RAP1GAP: variants seen among roughly 807,000 people sequenced by gnomAD.
The protein encoded by RAP1GAP is RAP1 GTPase activating protein, also known as rap1 GTPase-activating protein 1.
A neutral mutation model predicts 87.2 loss-of-function variants in RAP1GAP; 35 were observed. The ratio of observed to expected loss-of-function variants is 0.40; its 90% CI spans 0.31 to 0.53. RAP1GAP has a LOEUF of 0.53. Ranked by LOEUF, RAP1GAP falls within the 20% of genes least tolerant of loss-of-function variation. The pLI, the probability that RAP1GAP is intolerant of heterozygous loss-of-function variation, is 0.48. For missense variants in RAP1GAP, 734 were observed against 898.9 expected (o/e 0.82, Z 2.35); for synonymous variants, 375 against 363.9 (o/e 1.03, Z -0.35).
intron 3 of RAP1GAP, among the ~76,000 whole-genome samples, chr1:21,620,845 C>T (rs1264747818): frequency 8.6e-6 from 1 of 116,582 alleles, no homozygotes; most frequent in Non-Finnish European, 2.0e-5. Context: ...CACCAGGAAG[C>T]ACGCACACTC....
chr1:21,599,727 GC>G, intron 20 of RAP1GAP, 110 bp from the exon 21 acceptor site: 1 of 1,442,534 alleles, frequency 6.9e-7, no homozygotes, highest in Non-Finnish European at 9.2e-7. Flanking sequence ...TAGCAGCCAA[GC>G]ACCTTTGAGG....
intron 7 of RAP1GAP, 61 bp downstream of exon 7, chr1:21,617,245 T>G: frequency 6.6e-7 from 1 of 1,524,514 alleles, no homozygotes; most frequent in South Asian, 1.2e-5. Context: ...CAGGCCCACC[T>G]CGAATGGGGC....
intron 21 of RAP1GAP, 99 bp downstream of exon 21, chr1:21,599,395 G>A: frequency 6.7e-7 from 1 of 1,495,436 alleles, no homozygotes; most frequent in South Asian, 1.3e-5. Context: ...TCACATCTCA[G>A]CCACGCCCAG....
chr1:21,623,295 C>T (rs895018775), intron 3 of RAP1GAP, among the ~76,000 whole-genome samples: 6 of 152,320 alleles, frequency 3.9e-5, no homozygotes, highest in African/African-American at 1.2e-4. Flanking sequence ...CTCTCTGGAC[C>T]TCAGTTTCCC....
chr1:21,644,286 G>T (rs1332213963), intron 2 of RAP1GAP, among the ~76,000 whole-genome samples: 1 of 152,134 alleles, frequency 6.6e-6, no homozygotes, highest in South Asian at 2.1e-4. Flanking sequence ...TTCAGGTTTT[G>T]GTTCAAACAC....
Position 21,609,656 on chromosome 1 carries a change from AG to A in RAP1GAP, c.1000-11del. The A allele has an allele frequency of 6.4e-7, 1 of 1,561,506 alleles. No homozygotes were observed. Among genetic ancestry groups the A allele is most frequent in the African/African-American group, 1.4e-5 (1 of 72,908 alleles). ...TTGCAGTGACAGAGACCTGGAAGGG[AG>A]GGCAGCTGTCTGTTCCTGTGGAGCC... On this transcript the variant is annotated splice_polypyrimidine_tract_variant and intron_variant, in intron 14 of 24. Transcript: ENST00000374765. This position sits in a 1 kb window ranked among gnomAD's most constrained non-coding sequence, Gnocchi z 4.4.
Position 21,600,259 on chromosome 1 carries a change from T to C in RAP1GAP, c.1653-642A>G, listed in dbSNP as rs542130585. 1.1e-4 allele frequency among the ~76,000 whole-genome samples: 16 copies of C among 151,882 alleles called. No individual in the cohort carries two copies. In the South Asian group the frequency reaches 3.3e-3, roughly 32 times the overall value. On this transcript the variant is annotated intron_variant, in intron 20 of 24. Coordinates refer to ENST00000374765, the MANE Select transcript of RAP1GAP (RefSeq NM_002885.4). ...CAGCCTAGGGCTCTCGCTCCAGGAG[T>C]CCTTCCCTGATTCCTCCTCCCAAGG... is the stretch of plus-strand genomic sequence containing the variant.
Position 21,613,816 on chromosome 1 carries a change from A to G in RAP1GAP, c.396-110T>C, listed in dbSNP as rs2080076056. The G allele has an allele frequency of 3.3e-6, 4 of 1,230,524 alleles. No individual in the cohort carries two copies. In the African/African-American group the frequency reaches 5.9e-5, roughly 18 times the overall value. 76.2% of individuals were successfully genotyped at this position (1,230,524 alleles called of 1,614,324 possible). ...GGGGGTGGACCACAGCGAGGACCAGAGGTGATGATGGGTGTCAGGCTGACT... is the reference window on the plus strand; with the variant it reads ...GGGGGTGGACCACAGCGAGGACCAGGGGTGATGATGGGTGTCAGGCTGACT... On this transcript the variant is annotated intron_variant, in intron 8 of 24. Coordinates refer to ENST00000374765, the MANE Select transcript of RAP1GAP (RefSeq NM_002885.4). The surrounding 1 kb of genome is among the most constrained non-coding windows in gnomAD (Gnocchi z 4.7).
At chr1:21,667,294 G>A (rs1251704596) in intron 1 of RAP1GAP, among the ~76,000 whole-genome samples, 1 of 152,212 alleles carries the variant, frequency 6.6e-6, no homozygotes, top group Non-Finnish European at 1.5e-5. Context: ...GGCCTAAGTG[G>A]CAGAGACCTC....
Position 21,596,480 on chromosome 1 carries a change from T to C in RAP1GAP, c.*819A>G, listed in dbSNP as rs1159809970. On this transcript the variant is annotated 3_prime_UTR_variant, in exon 25 of 25. Coordinates refer to ENST00000374765, the MANE Select transcript of RAP1GAP (RefSeq NM_002885.4). ...CAGCATGGGATGGCAGGGGTTAAGC[T>C]GGGTGCTGGCTGAGGAGCCAGGTAG... is the stretch of plus-strand genomic sequence containing the variant. The C allele has an allele frequency of 6.6e-6, 1 of 152,380 alleles. No individual in the cohort carries two copies. The highest frequency in any genetic ancestry group is 1.9e-4 in the East Asian group (1 of 5,184). The allele number at this position is 152,380 out of a possible 1,614,324, so 9.4% of individuals were successfully genotyped here.
rs545223554 is a variant in RAP1GAP at position 21,634,690 on chromosome 1, A to T, written c.-112-8293T>A. On this transcript the variant is annotated intron_variant, in intron 2 of 24. Transcript: ENST00000374765. This position sits in a 1 kb window ranked among gnomAD's most constrained non-coding sequence, Gnocchi z 4.1. The stretch of plus-strand genomic sequence containing the variant: ...CCTCCTGAACAAATAACAGGTTGGC[A>T]GCCTAGAGAGGTGGTCACGGGACCG... 2.9e-6 allele frequency: 1 copy of T among 342,394 alleles called. No individual in the cohort carries two copies. The highest frequency in any genetic ancestry group is 6.2e-6 in the Non-Finnish European group (1 of 160,374). The allele number at this position is 342,394 out of a possible 1,614,324, so 21.2% of individuals were successfully genotyped here. A position where few individuals can be genotyped will look rare whatever the true frequency, so the allele number is the denominator to read the frequency against.
At chr1:21,644,226 C>T (rs1040311204) in intron 2 of RAP1GAP, among the ~76,000 whole-genome samples, 1 of 152,162 alleles carries the variant, frequency 6.6e-6, no homozygotes, top group Non-Finnish European at 1.5e-5. Context: ...CCTGCTGCTC[C>T]CTCTGTCTGG....
In RAP1GAP at chr1:21,622,785, T is replaced by C; in HGVS notation, c.-18-2735A>G. On this transcript the variant is annotated intron_variant, in intron 3 of 24. Coordinates refer to ENST00000374765, the MANE Select transcript of RAP1GAP (RefSeq NM_002885.4). The surrounding 1 kb of genome is among the most constrained non-coding windows in gnomAD (Gnocchi z 5.7). ...TCCCCAGCGCGCCCCCACCTCACTT[T>C]CTCCATCTTCCCAGGCTCTGGGTAC... 1 of 151,938 alleles carries C rather than the reference T, an allele frequency of 6.6e-6. No individual in the cohort carries two copies. The highest frequency in any genetic ancestry group is 1.5e-5 in the Non-Finnish European group (1 of 67,962). The allele number at this position is 151,938 out of a possible 1,614,324, so 9.4% of individuals were successfully genotyped here. A position where few individuals can be genotyped will look rare whatever the true frequency, so the allele number is the denominator to read the frequency against.
At position 21,655,761 on chromosome 1, in the gene RAP1GAP, G is replaced by A. The variant is rs1046930548; in HGVS notation, c.-148-5965C>T. On this transcript the variant is annotated intron_variant, in intron 1 of 24. Coordinates refer to ENST00000374765, the MANE Select transcript of RAP1GAP (RefSeq NM_002885.4). ...TGTAGAGGAAGAGAGAAGAGCACCGGGTGGAGGGTTGCAGAGCTGCCTTTC... is the reference window on the plus strand; with the variant it reads ...TGTAGAGGAAGAGAGAAGAGCACCGAGTGGAGGGTTGCAGAGCTGCCTTTC... Among the ~76,000 whole-genome samples the A allele has an allele frequency of 2.6e-5, 4 of 152,344 alleles. No individual in the cohort carries two copies. The South Asian group carries it at 8.3e-4, about 32-fold the overall frequency.
At position 21,603,543 on chromosome 1, in the gene RAP1GAP, C is replaced by T. The variant is rs1369455142; in HGVS notation, c.1429-630G>A. On this transcript the variant is annotated intron_variant, in intron 18 of 24. Coordinates refer to ENST00000374765, the MANE Select transcript of RAP1GAP (RefSeq NM_002885.4). This position sits in a 1 kb window ranked among gnomAD's most constrained non-coding sequence, Gnocchi z 6.0. ...CAGACCGGCGATATTGGGGGACGTG[C>T]GGCTGGGTGTAGGGCCTTTGGGTAC... The T allele has an allele frequency of 1.5e-5, 9 of 606,678 alleles. No homozygotes were observed. Among genetic ancestry groups the T allele is most frequent in the South Asian group, 7.7e-5 (4 of 51,918 alleles). The allele number at this position is 606,678 out of a possible 1,614,324, so 37.6% of individuals were successfully genotyped here.
chr1:21,669,337 C>T lies in RAP1GAP; in HGVS notation c.-232G>A, dbSNP rs1230229395. 1.4e-5 allele frequency: 15 copies of T among 1,075,876 alleles called. No homozygotes were observed. The highest frequency in any genetic ancestry group is 1.7e-5 in the African/African-American group (1 of 57,638). 66.6% of individuals were successfully genotyped at this position (1,075,876 alleles called of 1,614,324 possible). Reference sequence around the variant, plus strand: ...TGCAGCTCTGCTCAGATGCGGCCGGCGCTCGCCGCCGCCGCAGTTCGGGGA... The same window carrying T: ...TGCAGCTCTGCTCAGATGCGGCCGGTGCTCGCCGCCGCCGCAGTTCGGGGA... On this transcript the variant is annotated 5_prime_UTR_variant, in exon 1 of 25. Transcript: ENST00000374765. The surrounding 1 kb of genome is among the most constrained non-coding windows in gnomAD (Gnocchi z 5.6).
Position 21,620,046 on chromosome 1 carries a change from G to C in RAP1GAP, c.-14C>G. On this transcript the variant is annotated 5_prime_UTR_variant, in exon 4 of 25. Transcript: ENST00000374765. Reference sequence around the variant, plus strand: ...CTTCTCAATCATCTCAAATAGATCTGTGTTCTGCAACAGAGACAGGGGAGA... The same window carrying C: ...CTTCTCAATCATCTCAAATAGATCTCTGTTCTGCAACAGAGACAGGGGAGA... 1 of 1,613,936 alleles carries C rather than the reference G, an allele frequency of 6.2e-7. No individual in the cohort carries two copies. The highest frequency in any genetic ancestry group is 1.1e-5 in the South Asian group (1 of 91,082).
chr1:21,634,653 G>T lies in RAP1GAP; in HGVS notation c.-112-8256C>A. The T allele has an allele frequency of 3.8e-6, 1 of 265,806 alleles. No homozygotes were observed. The highest frequency in any genetic ancestry group is 2.9e-5 in the South Asian group (1 of 35,020). 16.5% of individuals were successfully genotyped at this position (265,806 alleles called of 1,614,324 possible). ...CGAGACACCCGGATCCCGGAGCTGG[G>T]CCAGGCAGAGGCCTCCTGAACAAAT... On this transcript the variant is annotated intron_variant, in intron 2 of 24. Transcript: ENST00000374765. The surrounding 1 kb of genome is among the most constrained non-coding windows in gnomAD (Gnocchi z 4.1).
Position 21,668,903 on chromosome 1 carries a change from C to G in RAP1GAP, c.-149+351G>C, listed in dbSNP as rs551605414. On this transcript the variant is annotated intron_variant, in intron 1 of 24. Coordinates refer to ENST00000374765, the MANE Select transcript of RAP1GAP (RefSeq NM_002885.4). This position sits in a 1 kb window ranked among gnomAD's most constrained non-coding sequence, Gnocchi z 6.2. Reference sequence around the variant, plus strand: ...GCGCCCACTTCCCACAGTCCCTCCTCTAAACCCCAGGCGCCCCCACCTCGA... The same window carrying G: ...GCGCCCACTTCCCACAGTCCCTCCTGTAAACCCCAGGCGCCCCCACCTCGA... 6.6e-6 allele frequency among the ~76,000 whole-genome samples: 1 copy of G among 151,956 alleles called. No homozygotes were observed. Among genetic ancestry groups the G allele is most frequent in the South Asian group, 2.1e-4 (1 of 4,816 alleles).
Sources: gnomAD v4.1 joint callset for allele counts (sites outside exome capture counted in the v4.1 genomes callset) on GRCh38, gnomAD v4.1.1 for gene constraint, Gnocchi (gnomAD v3.1) non-coding constraint, MANE v1.5 for transcripts, NCBI Gene and HGNC (gene_info 2026-07-23, HGNC 2026-07-21) for gene names.